Variants in PANK2 observed in about 807,000 individuals in gnomAD.
PANK2 encodes the protein pantothenate kinase 2.
A neutral mutation model predicts 43.1 loss-of-function variants in PANK2; 36 were observed. The ratio of observed to expected loss-of-function variants is 0.84; its 90% CI spans 0.64 to 1.10. The LOEUF (loss-of-function observed/expected upper bound fraction) is 1.10. Ranked by LOEUF, PANK2 falls within the 50% of genes least tolerant of loss-of-function variation. The pLI, the probability that PANK2 is intolerant of heterozygous loss-of-function variation, is 0.00. For synonymous variants in PANK2, 281 were observed against 238.2 expected (o/e 1.18, Z -1.66); for missense variants, 576 against 593.3 (o/e 0.97, Z 0.30).
At chr20:3,900,867 C>G (rs2090289136) in intron 1 of PANK2, among the ~76,000 whole-genome samples, 1 of 151,802 alleles carries the variant, frequency 6.6e-6, no homozygotes, top group African/African-American at 2.4e-5. Flanking sequence ...CTCCTGGGTT[C>G]AAGCGATTCT....
At chr20:3,900,387 G>A (rs866533114) in intron 1 of PANK2, among the ~76,000 whole-genome samples, 17 of 151,770 alleles carry the variant, frequency 1.1e-4, no homozygotes, top group Admixed American at 5.3e-4. Context: ...TTGAAACAAG[G>A]TATGACCTTT....
rs2090757743 is a variant in PANK2 at position 3,928,333 on chromosome 20, G to A, written c.*5039G>A. ...CTGCTGTAGGGGGCAAGTACACCAG[G>A]GAGGTGGGTGTGGACAGAGGCACTG... On this transcript the variant is annotated 3_prime_UTR_variant, in exon 7 of 7. Coordinates refer to ENST00000610179, the MANE Select transcript of PANK2 (RefSeq NM_001386393.1). 6.6e-6 allele frequency: 1 copy of A among 152,242 alleles called. No individual in the cohort carries two copies. The highest frequency in any genetic ancestry group is 2.1e-4 in the South Asian group (1 of 4,836). 9.4% of individuals were successfully genotyped at this position (152,242 alleles called of 1,614,324 possible). A position where few individuals can be genotyped will look rare whatever the true frequency, so the allele number is the denominator to read the frequency against.
chr20:3,914,444 T>G (rs1405980137), intron 4 of PANK2, among the ~76,000 whole-genome samples: 1 of 151,798 alleles, frequency 6.6e-6, no homozygotes, highest in Non-Finnish European at 1.5e-5. Flanking sequence ...GTCTCCTGAG[T>G]CACTAGGACT....
Position 3,913,405 on chromosome 20 carries a change from G to A in PANK2, c.1082+771G>A, listed in dbSNP as rs370852489. 4.6e-5 allele frequency among the ~76,000 whole-genome samples: 7 copies of A among 151,874 alleles called. No homozygotes were observed. The East Asian group carries it at 9.6e-4, about 21-fold the overall frequency. ...TTTGCCCAGGCTGGAGTGCAATGGC[G>A]TGATCTCGGCTCACCACAACCCCCA... On this transcript the variant is annotated intron_variant, in intron 4 of 6. Transcript: ENST00000610179.
Position 3,908,998 on chromosome 20 carries a change from A to AG in PANK2, c.651+723dup, listed in dbSNP as rs1491504407. 2.6e-5 allele frequency: 4 copies of AG among 152,882 alleles called. No individual in the cohort carries two copies. The East Asian group carries it at 7.7e-4, about 29-fold the overall frequency. The allele number at this position is 152,882 out of a possible 1,614,324, so 9.5% of individuals were successfully genotyped here. A position where few individuals can be genotyped will look rare whatever the true frequency, so the allele number is the denominator to read the frequency against. On this transcript the variant is annotated intron_variant, in intron 2 of 6. Transcript: ENST00000610179. Reference sequence around the variant, plus strand: ...TGAATAAGCCAAGATCCTGACCGTCAGGGTGCAATACAGATTGAAAATGTC... The same window carrying AG: ...TGAATAAGCCAAGATCCTGACCGTCAGGGGTGCAATACAGATTGAAAATGTC...
Position 3,913,775 on chromosome 20 carries a change from C to CACATACAT in PANK2, c.1082+1142_1082+1143insCATACATA, listed in dbSNP as rs575219677. Among the ~76,000 whole-genome samples the CACATACAT allele has an allele frequency of 4.8e-5, 6 of 124,004 alleles. No individual in the cohort carries two copies. In the East Asian group the frequency reaches 1.2e-3, roughly 25 times the overall value. The allele number at this position is 124,004 out of a possible 152,430, so 81.4% of individuals were successfully genotyped here. Reference sequence around the variant, plus strand: ...TTGTATGTATGCACACACACACACACATATATATATATATATTTTTTTTTT... The same window carrying CACATACAT: ...TTGTATGTATGCACACACACACACACACATACATATATATATATATATATTTTTTTTTT... On this transcript the variant is annotated intron_variant, in intron 4 of 6. Coordinates refer to ENST00000610179, the MANE Select transcript of PANK2 (RefSeq NM_001386393.1).
At position 3,910,605 on chromosome 20, in the gene PANK2, A is replaced by G; in HGVS notation, c.680A>G (p.Asp227Gly). 1 of 1,614,092 alleles carries G rather than the reference A, an allele frequency of 6.2e-7. No homozygotes were observed. The highest frequency in any genetic ancestry group is 8.5e-7 in the Non-Finnish European group (1 of 1,179,980). ...GGTGATCTTCAGCTTTGCAAACTGG[A>G]TGAACTAGATTGCTTGATCAAAGGA... The change falls in exon 3 of 7, where the codon GAT (aspartate) becomes GGT (glycine). Residue 227 changes from aspartate (D) to glycine (G), a missense_variant. Physicochemically the swap from Asp to Gly is moderately conservative, Grantham distance 94. Transcript: ENST00000610179.
In PANK2 at chr20:3,889,688, C is replaced by T. The variant is rs746054643; in HGVS notation, c.258C>T (p.Val86=). The change falls in exon 1 of 7, where the codon GTC becomes GTT. Residue 86 remains valine (V), a synonymous_variant. Coordinates refer to ENST00000610179, the MANE Select transcript of PANK2 (RefSeq NM_001386393.1). ...GCTCTTACAGCGGCCCCACCTCGGT[C>T]TCCCGCCAGCGCGTCGAAAGCCTGA... The T allele has an allele frequency of 2.5e-6, 4 of 1,594,786 alleles. No homozygotes were observed. Among genetic ancestry groups the T allele is most frequent in the Non-Finnish European group, 3.4e-6 (4 of 1,178,576 alleles).
At chr20:3,912,707 T>C (rs1454330946) in intron 4 of PANK2, 73 bp downstream of exon 4, 1 of 1,541,364 alleles carries the variant, frequency 6.5e-7, no homozygotes, top group East Asian at 2.3e-5. Flanking sequence ...ATCCCAAAAC[T>C]TTGAGAGGCC....
intron 4 of PANK2, among the ~76,000 whole-genome samples, chr20:3,913,792 T>TATATATATATATA (rs1568577269): frequency 8.9e-6 from 1 of 111,898 alleles, no homozygotes; most frequent in African/African-American, 3.5e-5. Context: ...ATATATATAT[T>TATATATATATATA]TTTTTTTTTT....
chr20:3,915,531 C>G (rs1020089032), intron 4 of PANK2, among the ~76,000 whole-genome samples: 4 of 151,940 alleles, frequency 2.6e-5, no homozygotes, highest in Admixed American at 2.6e-4. Flanking sequence ...CTCTTGACCT[C>G]GTGATCCGCC....
chr20:3,907,904 C>T, intron 1 of PANK2, 22 bp from the exon 2 acceptor site: 1 of 1,605,180 alleles, frequency 6.2e-7, no homozygotes, highest in Non-Finnish European at 8.5e-7. Context: ...GCTGTTCTGA[C>T]TTATTTTTCT....
chr20:3,921,415 A>G (rs1167581620), intron 6 of PANK2: 4 of 152,052 alleles, frequency 2.6e-5, no homozygotes, highest in Non-Finnish European at 4.4e-5. Flanking sequence ...TCATCTTAGC[A>G]CGTTGTAGTT....
Position 3,900,743 on chromosome 20 carries a change from TC to T in PANK2, c.299-7180del, listed in dbSNP as rs1285671988. 4.1e-4 allele frequency among the ~76,000 whole-genome samples: 63 copies of T among 151,960 alleles called. 2 individuals carry two copies. The highest frequency in any genetic ancestry group is 3.8e-3 in the Admixed American group (58 of 15,160). On this transcript the variant is annotated intron_variant, in intron 1 of 6. Coordinates refer to ENST00000610179, the MANE Select transcript of PANK2 (RefSeq NM_001386393.1). ...TGTGATTACTGATAAGTGCAGTCATTCCCATCATTTATTTATTTATTAAATT... is the reference window on the plus strand; with the variant it reads ...TGTGATTACTGATAAGTGCAGTCATTCCATCATTTATTTATTTATTAAATT...
At chr20:3,918,047 C>A (rs1323578839) in intron 5 of PANK2, among the ~76,000 whole-genome samples, 1 of 152,110 alleles carries the variant, frequency 6.6e-6, no homozygotes, top group East Asian at 1.9e-4. Flanking sequence ...GAATTTTATT[C>A]TTGATATGGG....
chr20:3,892,673 CAAAA>C (rs763721845), intron 1 of PANK2, among the ~76,000 whole-genome samples: 102 of 104,366 alleles, frequency 9.8e-4, no homozygotes, highest in African/African-American at 3.8e-3. Context: ...GACTCTGTCT[CAAAA>C]AAAAAAAAAA....
intron 1 of PANK2, among the ~76,000 whole-genome samples, chr20:3,890,259 T>C (rs556099294): frequency 8.5e-5 from 13 of 152,332 alleles, no homozygotes; most frequent in African/African-American, 2.9e-4. Context: ...GCCCTTCTTC[T>C]CGTGAGAATC....
chr20:3,917,374 T>A (rs2090578791), intron 5 of PANK2: 1 of 514,886 alleles, frequency 1.9e-6, no homozygotes, highest in Admixed American at 2.1e-5. Flanking sequence ...GACTCCACAC[T>A]CACTGCTGAG....
intron 1 of PANK2, chr20:3,901,690 A>G: frequency 3.7e-6 from 3 of 815,518 alleles, no homozygotes; most frequent in Non-Finnish European, 4.4e-6. Context: ...AAGCTCTTGG[A>G]TTAAAAAAAA....
Sources: allele counts gnomAD v4.1 joint callset (sites outside exome capture counted in the v4.1 genomes callset), GRCh38; gene constraint gnomAD v4.1.1; transcripts MANE v1.5; gene names NCBI Gene and HGNC (gene_info 2026-07-23, HGNC 2026-07-21).